The following ABCC8 variants were observed in gnomAD, a reference collection of about 807,000 sequenced individuals.
ABCC8 encodes the protein ATP binding cassette subfamily C member 8.
ABCC8 carries 137 observed loss-of-function variants against 188.0 expected under a neutral mutation model. The observed-to-expected ratio is 0.73, with a 90% confidence interval of 0.63 to 0.84. ABCC8 has a LOEUF of 0.84. ABCC8 is among the 40% of genes least tolerant of loss of function. The probability of loss-of-function intolerance (pLI) is 0.00; values close to 1 mark genes in which losing one functional copy is unlikely to be tolerated. For missense variants in ABCC8, 1,750 were observed against 2,072.7 expected, an observed-to-expected ratio of 0.84 and a Z score of 3.02; for synonymous variants, 797 against 846.5, an observed-to-expected ratio of 0.94 and a Z score of 1.01.
intron 16 of ABCC8, among the ~76,000 whole-genome samples, chr11:17,417,529 G>A (rs963063789): frequency 6.6e-6 from 1 of 152,160 alleles, no homozygotes; most frequent in African/African-American, 2.4e-5. Flanking sequence ...AACACTGAGT[G>A]AGGTGACTTG....
Position 17,393,033 on chromosome 11 carries a change from C to G in ABCC8, c.4704G>C (p.Arg1568=), listed in dbSNP as rs1953707498. The change falls in exon 39 of 39, where the codon CGG becomes CGC. Residue 1568 remains arginine, a synonymous_variant. Coordinates refer to ENST00000389817, the MANE Select transcript of ABCC8 (RefSeq NM_000352.6). ...EFDKPEKLLS[R]KDSVFASFVR... is the part of the protein sequence containing the mutation. ...CGAAGGAGGCGAAGACGCTGTCCTT[C>G]CGGCTGAGCAGCTTCTCTGGCTTAT... 2 of 1,614,196 alleles carry G rather than the reference C, an allele frequency of 1.2e-6. No individual in the cohort carries two copies. Among genetic ancestry groups the G allele is most frequent in the Non-Finnish European group, 8.5e-7 (1 of 1,180,054 alleles).
At chr11:17,462,121 C>T (rs1957217520) in intron 4 of ABCC8, among the ~76,000 whole-genome samples, 1 of 152,188 alleles carries the variant, frequency 6.6e-6, no homozygotes, top group African/African-American at 2.4e-5. Context: ...ATGCTATCTT[C>T]TCCACAGATC....
intron 10 of ABCC8, among the ~76,000 whole-genome samples, chr11:17,435,484 G>A (rs375370221): frequency 6.6e-5 from 10 of 152,312 alleles, no homozygotes; most frequent in African/African-American, 2.2e-4. Flanking sequence ...TTAGAAACAA[G>A]GAGAAAACTA....
Position 17,393,770 on chromosome 11 carries a change from G to A in ABCC8, c.4546-11C>T. 1 of 1,614,082 alleles carries A rather than the reference G, an allele frequency of 6.2e-7. No homozygotes were observed. The highest frequency in any genetic ancestry group is 8.5e-7 in the Non-Finnish European group (1 of 1,179,920). ...TTGGAGGATGTTTTCCTGCCAAGTG[G>A]GGGCAACAGCTGTTGGCTCACCTGC... On this transcript the variant is annotated splice_polypyrimidine_tract_variant and intron_variant, in intron 37 of 38. Coordinates refer to ENST00000389817, the MANE Select transcript of ABCC8 (RefSeq NM_000352.6).
At chr11:17,400,492 G>A (rs971264682) in intron 29 of ABCC8, among the ~76,000 whole-genome samples, 8 of 152,160 alleles carry the variant, frequency 5.3e-5, no homozygotes, top group African/African-American at 1.2e-4. Flanking sequence ...TGTAAACCCA[G>A]GTTGGAGCCT....
At chr11:17,442,617 G>T (rs1468259637) in intron 10 of ABCC8, 103 bp downstream of exon 10, 9 of 1,171,644 alleles carry the variant, frequency 7.7e-6, no homozygotes, top group African/African-American at 1.5e-5. Flanking sequence ...TAATCTCAAG[G>T]CCTCCTGCTT....
chr11:17,395,905 C>G lies in ABCC8; in HGVS notation c.4145G>C (p.Ser1382Thr). The change falls in exon 34 of 39, where the codon AGT becomes ACT. Residue 1382 changes from serine to threonine, a missense_variant. Transcript: ENST00000389817. ...GGCAAGAGAGAAGGAGGACTTCCCA[C>G]TGCCGGTGCGGCCGCAGATCCCGAT... Reference protein sequence around the residue: ...QKIGICGRTGSGKSSFSLAFF... With the variant: ...QKIGICGRTGTGKSSFSLAFF... The G allele has an allele frequency of 6.3e-7, 1 of 1,589,240 alleles. No homozygotes were observed. The highest frequency in any genetic ancestry group is 8.6e-7 in the Non-Finnish European group (1 of 1,166,752).
Position 17,427,170 on chromosome 11 carries a change from G to T in ABCC8, c.2117-16C>A. The stretch of plus-strand genomic sequence containing the variant: ...GTCAGCTGGCCTGCAGGGAGGGAGG[G>T]TGGCAGATGTGAGTGGGGCCGGGGG... On this transcript the variant is annotated splice_polypyrimidine_tract_variant and intron_variant, in intron 15 of 38. Transcript: ENST00000389817. This position sits in a 1 kb window ranked among gnomAD's most constrained non-coding sequence, Gnocchi z 5.0. 6.2e-7 allele frequency: 1 copy of T among 1,607,508 alleles called. No homozygotes were observed. The highest frequency in any genetic ancestry group is 8.5e-7 in the Non-Finnish European group (1 of 1,176,508).
intron 10 of ABCC8, among the ~76,000 whole-genome samples, chr11:17,433,436 A>G (rs1955937638): frequency 2.6e-5 from 4 of 152,268 alleles, no homozygotes; most frequent in Admixed American, 2.6e-4. Flanking sequence ...GGTCAATACC[A>G]GTCCAAGAAG....
chr11:17,416,871 C>A, intron 17 of ABCC8, 59 bp downstream of exon 17: 2 of 1,596,790 alleles, frequency 1.3e-6, no homozygotes, highest in South Asian at 1.1e-5. Context: ...AGTCCTCCAC[C>A]CCCACCCTAC....
intron 8 of ABCC8, 90 bp from the exon 9 acceptor site, chr11:17,443,402 A>G: frequency 1.9e-6 from 3 of 1,603,486 alleles, no homozygotes; most frequent in Middle Eastern, 3.3e-4. Flanking sequence ...CCAGTCCCCT[A>G]GAGTGGGACA....
At chr11:17,411,707 A>G (rs1357185126) in intron 21 of ABCC8, among the ~76,000 whole-genome samples, 2 of 151,924 alleles carry the variant, frequency 1.3e-5, no homozygotes, top group Non-Finnish European at 1.5e-5. Flanking sequence ...GCCCCCTCAT[A>G]GTTTATGCCG....
chr11:17,467,042 C>CCCCACACA (rs1848197704), intron 3 of ABCC8, among the ~76,000 whole-genome samples: 1 of 132,312 alleles, frequency 7.6e-6, no homozygotes, highest in Admixed American at 7.6e-5. Context: ...ACATGTTAAA[C>CCCCACACA]CACACACACA....
rs1032729468 is a variant in ABCC8 at position 17,406,872 on chromosome 11, G to A, written c.3162+16C>T. On this transcript the variant is annotated intron_variant, in intron 25 of 38. Coordinates refer to ENST00000389817, the MANE Select transcript of ABCC8 (RefSeq NM_000352.6). ...CATCCCCACTCCCAACCTCTGCCAT[G>A]GGCCGCCAGTCACACCTGGCTGAGG... 4 of 1,614,012 alleles carry A rather than the reference G, an allele frequency of 2.5e-6. No homozygotes were observed. In the African/African-American group the frequency reaches 5.3e-5, roughly 22 times the overall value.
chr11:17,469,638 G>C (rs928805745), intron 3 of ABCC8, among the ~76,000 whole-genome samples: 2 of 151,920 alleles, frequency 1.3e-5, no homozygotes, highest in African/African-American at 4.8e-5. Flanking sequence ...ACTCTTGCTC[G>C]CTCCTCTCCT....
At chr11:17,392,855 G>T, downstream of ABCC8, 1 of 1,073,754 alleles carries the variant, frequency 9.3e-7, no homozygotes, top group Non-Finnish European at 1.4e-6. Flanking sequence ...TCCACCGCCA[G>T]CCCCTGCCCA....
At chr11:17,419,443 G>C (rs2299641) in intron 16 of ABCC8, among the ~76,000 whole-genome samples, 60,425 of 152,110 alleles carry the variant, frequency 0.4, 13,901 homozygotes, top group African/African-American at 0.64. Flanking sequence ...AAGTTATAAG[G>C]GTCAAAAGAA....
chr11:17,431,457 T>G (rs1317966042), intron 11 of ABCC8, among the ~76,000 whole-genome samples: 1 of 152,236 alleles, frequency 6.6e-6, no homozygotes, highest in Non-Finnish European at 1.5e-5. Context: ...AATTCCCAAG[T>G]GTATCCGACA....
intron 10 of ABCC8, chr11:17,435,580 G>C: frequency 7.4e-7 from 1 of 1,355,586 alleles, no homozygotes; most frequent in Non-Finnish European, 1.1e-6. Flanking sequence ...CAAATAAGGA[G>C]AACTTTTCCC....
Sources: allele counts gnomAD v4.1 joint callset (sites outside exome capture counted in the v4.1 genomes callset), GRCh38; gene constraint gnomAD v4.1.1; non-coding constraint Gnocchi (gnomAD v3.1); transcripts MANE v1.5; gene names NCBI Gene and HGNC (gene_info 2026-07-23, HGNC 2026-07-21).